USP7: variants seen among roughly 807,000 people sequenced by gnomAD.
USP7 encodes the protein ubiquitin specific peptidase 7, also known as ubiquitin C-terminal hydrolase 7.
A neutral mutation model predicts 162.9 loss-of-function variants in USP7; 9 were observed. That is an observed-to-expected ratio of 0.06 (90% CI 0.03 to 0.10). USP7 has a LOEUF of 0.10. Among genes scored for constraint, USP7 ranks in the 10% least tolerant of loss-of-function variants. The pLI, the probability that USP7 is intolerant of heterozygous loss-of-function variation, is 1.00. For missense variants in USP7, 715 were observed against 1,373.7 expected, an observed-to-expected ratio of 0.52 and a Z score of 7.58; for synonymous variants, 562 against 475.9, an observed-to-expected ratio of 1.18 and a Z score of -2.35.
Position 8,963,338 on chromosome 16 carries a change from G to A in USP7, c.-53C>T, listed in dbSNP as rs1448105165. 7 of 742,848 alleles carry A rather than the reference G, an allele frequency of 9.4e-6. No individual in the cohort carries two copies. In the African/African-American group the frequency reaches 9.6e-5, roughly 10 times the overall value. 46.0% of individuals were successfully genotyped at this position (742,848 alleles called of 1,614,324 possible). A position where few individuals can be genotyped will look rare whatever the true frequency, so the allele number is the denominator to read the frequency against. On this transcript the variant is annotated 5_prime_UTR_variant, in exon 1 of 31. Coordinates refer to ENST00000344836, the MANE Select transcript of USP7 (RefSeq NM_003470.3). ...GGCCGGGGGCCGGGGCTGCGAGCCCGGCGGGCGGGCGGCGGCGAGCCGGGG... is the reference window on the plus strand; with the variant it reads ...GGCCGGGGGCCGGGGCTGCGAGCCCAGCGGGCGGGCGGCGGCGAGCCGGGG...
At chr16:8,955,650 G>T (rs961310192) in intron 1 of USP7, among the ~76,000 whole-genome samples, 1 of 137,154 alleles carries the variant, frequency 7.3e-6, no homozygotes, top group African/African-American at 2.7e-5. Flanking sequence ...AGGTTGCAGT[G>T]AGCCGAGATC....
rs368085455 is a variant in USP7 at position 8,940,673 on chromosome 16, C to T, written c.80-10276G>A. Among the ~76,000 whole-genome samples, 45 of 152,264 alleles carry T rather than the reference C, an allele frequency of 3.0e-4. No homozygotes were observed. In the East Asian group the frequency reaches 7.5e-3, roughly 26 times the overall value. ...CCACACTCCCTAAGAAGCTCCTGACCGCCATCTTCTAGACATTTCCAGGGA... is the reference window on the plus strand; with the variant it reads ...CCACACTCCCTAAGAAGCTCCTGACTGCCATCTTCTAGACATTTCCAGGGA... On this transcript the variant is annotated intron_variant, in intron 1 of 30. Coordinates refer to ENST00000344836, the MANE Select transcript of USP7 (RefSeq NM_003470.3).
chr16:8,904,703 G>A (rs1055056462), intron 14 of USP7, 138 bp from the exon 15 acceptor site: 18 of 1,308,340 alleles, frequency 1.4e-5, no homozygotes, highest in Non-Finnish European at 1.8e-5. Flanking sequence ...AGCACTTTGG[G>A]AGGCTGAGGC....
At chr16:8,955,206 G>A (rs1899736284) in intron 1 of USP7, among the ~76,000 whole-genome samples, 1 of 152,072 alleles carries the variant, frequency 6.6e-6, no homozygotes. Context: ...TTCTCTTTCC[G>A]TATGGCTCGT....
chr16:8,913,742 A>G (rs546361497), intron 10 of USP7, among the ~76,000 whole-genome samples: 1 of 151,960 alleles, frequency 6.6e-6, no homozygotes, highest in South Asian at 2.1e-4. Flanking sequence ...TCCCCTCCTC[A>G]CTCTTTTTAT....
intron 26 of USP7, among the ~76,000 whole-genome samples, chr16:8,896,137 C>CTTT (rs60467243): frequency 6.3e-4 from 79 of 126,104 alleles, no homozygotes; most frequent in Admixed American, 1.6e-3. Context: ...CCATGCCCAG[C>CTTT]TTTTTTTTTT....
rs529085196 is a variant in USP7 at position 8,902,905 on chromosome 16, T to C, written c.1839+363A>G. Among the ~76,000 whole-genome samples the C allele has an allele frequency of 2.0e-5, 3 of 152,232 alleles. No individual in the cohort carries two copies. The South Asian group carries it at 6.2e-4, about 32-fold the overall frequency. ...AAAAAAGAAAAAAAGACTGTGATTC[T>C]AAGAAAAAGAATTCTAATTCTTCCC... is the stretch of plus-strand genomic sequence containing the variant. On this transcript the variant is annotated intron_variant, in intron 16 of 30. Transcript: ENST00000344836.
intron 13 of USP7, among the ~76,000 whole-genome samples, chr16:8,905,722 TATC>T (rs2141181042): frequency 6.6e-6 from 1 of 152,362 alleles, no homozygotes; most frequent in East Asian, 1.9e-4. Context: ...ATCCTTTAGT[TATC>T]AAACTAAATG....
chr16:8,952,633 T>C (rs948368039), intron 1 of USP7, among the ~76,000 whole-genome samples: 1 of 152,186 alleles, frequency 6.6e-6, no homozygotes, highest in Non-Finnish European at 1.5e-5. Context: ...ACCTCCTCAC[T>C]AGGGATCCTG....
At chr16:8,894,141 G>A (rs2061645582) in intron 30 of USP7, 37 bp from the exon 31 acceptor site, 6 of 1,589,398 alleles carry the variant, frequency 3.8e-6, no homozygotes, top group East Asian at 2.2e-5. Context: ...AGGCCACAGA[G>A]CAGCCCTGGA....
intron 11 of USP7, among the ~76,000 whole-genome samples, chr16:8,909,249 C>G (rs560727689): frequency 6.6e-5 from 10 of 152,220 alleles, no homozygotes; most frequent in Non-Finnish European, 1.3e-4. Context: ...CACTCCATGT[C>G]TGACTCACAG....
chr16:8,956,959 C>A (rs1167791188), intron 1 of USP7, among the ~76,000 whole-genome samples: 1 of 152,102 alleles, frequency 6.6e-6, no homozygotes, highest in African/African-American at 2.4e-5. Context: ...TGCCTTCTCC[C>A]AGACACCCCT....
In USP7 at chr16:8,893,469, G is replaced by A. The variant is rs1203255948; in HGVS notation, c.*529C>T. ...AGGCAGCTGGAGGAGGAGAACCCGAGGAAGGGCCGACAATGCACACAATGA... is the reference window on the plus strand; with the variant it reads ...AGGCAGCTGGAGGAGGAGAACCCGAAGAAGGGCCGACAATGCACACAATGA... On this transcript the variant is annotated 3_prime_UTR_variant, in exon 31 of 31. Coordinates refer to ENST00000344836, the MANE Select transcript of USP7 (RefSeq NM_003470.3). 2 of 154,288 alleles carry A rather than the reference G, an allele frequency of 1.3e-5. No homozygotes were observed. The highest frequency in any genetic ancestry group is 4.8e-5 in the African/African-American group (2 of 41,468). The allele number at this position is 154,288 out of a possible 1,614,324, so 9.6% of individuals were successfully genotyped here.
At chr16:8,956,744 C>T (rs1012727992) in intron 1 of USP7, among the ~76,000 whole-genome samples, 1 of 150,152 alleles carries the variant, frequency 6.7e-6, no homozygotes, top group Non-Finnish European at 1.5e-5. Flanking sequence ...GCCTGGGTAA[C>T]GAATTAAGAC....
intron 6 of USP7, among the ~76,000 whole-genome samples, chr16:8,918,790 C>A (rs1401458853): frequency 6.6e-6 from 1 of 152,194 alleles, no homozygotes; most frequent in East Asian, 1.9e-4. Flanking sequence ...GCCTGGGCGA[C>A]AGAGCAAGAC....
At chr16:8,903,614 T>A (rs1567211765) in intron 15 of USP7, among the ~76,000 whole-genome samples, 1 of 152,206 alleles carries the variant, frequency 6.6e-6, no homozygotes, top group South Asian at 2.1e-4. Context: ...GCACGGTGGC[T>A]CATGCACTTT....
At chr16:8,904,023 G>A (rs149920185) in intron 15 of USP7, among the ~76,000 whole-genome samples, 7 of 152,248 alleles carry the variant, frequency 4.6e-5, no homozygotes, top group East Asian at 1.9e-4. Flanking sequence ...GCAACCTGAC[G>A]TGCACTTAAT....
At chr16:8,948,907 T>C (rs1420444537) in intron 1 of USP7, among the ~76,000 whole-genome samples, 1 of 152,038 alleles carries the variant, frequency 6.6e-6, no homozygotes, top group East Asian at 1.9e-4. Flanking sequence ...AAGGCTGCAA[T>C]GAGCTATGAT....
chr16:8,930,276 G>T lies in USP7; in HGVS notation c.184+17C>A, dbSNP rs775157682. ...AAGTTTCCGCCCACTGCGAGGCGGT[G>T]AACCACAGGCACTTACCATCCTCCA... On this transcript the variant is annotated intron_variant, in intron 2 of 30. Coordinates refer to ENST00000344836, the MANE Select transcript of USP7 (RefSeq NM_003470.3). 16 of 1,597,116 alleles carry T rather than the reference G, an allele frequency of 1.0e-5. No homozygotes were observed. Among genetic ancestry groups the T allele is most frequent in the Non-Finnish European group, 1.4e-5 (16 of 1,169,402 alleles).
Sources: allele counts gnomAD v4.1 joint callset (sites outside exome capture counted in the v4.1 genomes callset), GRCh38; gene constraint gnomAD v4.1.1; transcripts MANE v1.5; gene names NCBI Gene and HGNC (gene_info 2026-07-23, HGNC 2026-07-21).